SLC9C1: variants seen among roughly 807,000 people sequenced by gnomAD.
The protein encoded by SLC9C1 is solute carrier family 9 member C1.
A neutral mutation model predicts 140.9 loss-of-function variants in SLC9C1; 97 were observed. The ratio of observed to expected loss-of-function variants is 0.69; its 90% CI spans 0.58 to 0.82. The LOEUF is 0.82. Ranked by LOEUF, SLC9C1 falls within the 40% of genes least tolerant of loss-of-function variation. The pLI, the probability that SLC9C1 is intolerant of heterozygous loss-of-function variation, is 0.00. For missense variants in SLC9C1, 1,340 were observed against 1,389.3 expected, an observed-to-expected ratio of 0.96 and a Z score of 0.56; for synonymous variants, 440 against 442.6, an observed-to-expected ratio of 0.99 and a Z score of 0.07.
At chr3:112,256,874 A>G (rs1051283377) in intron 10 of SLC9C1, among the ~76,000 whole-genome samples, 2 of 152,212 alleles carry the variant, frequency 1.3e-5, no homozygotes, top group African/African-American at 4.8e-5. Flanking sequence ...TTCAGGATAC[A>G]AAATCATCAT....
At position 112,141,190 on chromosome 3, in the gene SLC9C1, T is replaced by C; in HGVS notation, c.*82A>G. The C allele has an allele frequency of 7.2e-7, 1 of 1,388,100 alleles. No individual in the cohort carries two copies. The highest frequency in any genetic ancestry group is 9.6e-7 in the Non-Finnish European group (1 of 1,045,964). 86.0% of individuals were successfully genotyped at this position (1,388,100 alleles called of 1,614,324 possible). ...GGATCCAACCTGAAGTTACTCCTTC[T>C]TGATGTAGGGAAGTGTGTTTCTGCA... On this transcript the variant is annotated 3_prime_UTR_variant, in exon 29 of 29. Coordinates refer to ENST00000305815, the MANE Select transcript of SLC9C1 (RefSeq NM_183061.3).
chr3:112,288,551 A>G (rs1035695431), intron 1 of SLC9C1, among the ~76,000 whole-genome samples: 5 of 152,222 alleles, frequency 3.3e-5, no homozygotes, highest in African/African-American at 1.2e-4. Context: ...GAGGCCAGGA[A>G]TTCAAGACCA....
At chr3:112,243,695 T>A (rs1258824666) in intron 11 of SLC9C1, among the ~76,000 whole-genome samples, 2 of 20 alleles carry the variant, frequency 0.1, no homozygotes, top group Non-Finnish European at 0.5. Context: ...TATGGATTCT[T>A]TTTTTTTTTT....
At chr3:112,260,844 T>C (rs746285642) in intron 10 of SLC9C1, among the ~76,000 whole-genome samples, 1 of 152,126 alleles carries the variant, frequency 6.6e-6, no homozygotes, top group Non-Finnish European at 1.5e-5. Flanking sequence ...TCTTTTCTGC[T>C]GCTCCTCCTG....
At chr3:112,213,036 A>G (rs1376298404) in intron 15 of SLC9C1, among the ~76,000 whole-genome samples, 2 of 152,248 alleles carry the variant, frequency 1.3e-5, no homozygotes, top group Admixed American at 6.5e-5. Context: ...GGCAGAAGAC[A>G]ATGGGGGCCA....
At chr3:112,285,309 G>A (rs2108360464) in intron 2 of SLC9C1, among the ~76,000 whole-genome samples, 1 of 152,278 alleles carries the variant, frequency 6.6e-6, no homozygotes, top group South Asian at 2.1e-4. Context: ...TATGATCTCG[G>A]CTCACTGCAA....
At chr3:112,150,607 G>A (rs1243958900) in intron 28 of SLC9C1, among the ~76,000 whole-genome samples, 1 of 151,712 alleles carries the variant, frequency 6.6e-6, no homozygotes, top group Admixed American at 6.6e-5. Context: ...AAGTGGCTGA[G>A]GCACATTGAA....
chr3:112,144,441 G>A (rs145374493), intron 28 of SLC9C1, among the ~76,000 whole-genome samples: 141 of 152,106 alleles, frequency 9.3e-4, no homozygotes, highest in Middle Eastern at 3.4e-3. Flanking sequence ...AATTACAGGT[G>A]TGAGCCACCA....
rs9288940 is a variant in SLC9C1, at chr3:112,217,717, G to C, written c.1671-156C>G. Among the ~76,000 whole-genome samples the C allele has an allele frequency of 2.6e-5, 4 of 151,978 alleles. 1 individual carries two copies. Among genetic ancestry groups the C allele is most frequent in the Admixed American group, 2.0e-4 (3 of 15,262 alleles). ...GTTGGATTAAGACATTTTCATGGGC[G>C]TGGTTCATGAAGTTAGATTGTCAGG... is the stretch of plus-strand genomic sequence containing the variant. On this transcript the variant is annotated intron_variant, in intron 14 of 28. Coordinates refer to ENST00000305815, the MANE Select transcript of SLC9C1 (RefSeq NM_183061.3).
At chr3:112,271,196 G>T (rs1347074006) in intron 6 of SLC9C1, among the ~76,000 whole-genome samples, 1 of 151,940 alleles carries the variant, frequency 6.6e-6, no homozygotes, top group East Asian at 1.9e-4. Context: ...ATAGGGAATT[G>T]TTGATTAACA....
intron 13 of SLC9C1, among the ~76,000 whole-genome samples, chr3:112,221,675 C>T (rs939728022): frequency 6.6e-6 from 1 of 152,022 alleles, no homozygotes; most frequent in East Asian, 1.9e-4. Flanking sequence ...TAAAATGATT[C>T]TATCTTTGTA....
chr3:112,168,794 T>C, intron 25 of SLC9C1, 83 bp downstream of exon 25: 1 of 1,279,780 alleles, frequency 7.8e-7, no homozygotes, highest in East Asian at 2.4e-5. Flanking sequence ...AAGCTTAAGA[T>C]TATAGTGACA....
At chr3:112,161,394 A>G (rs1188412657) in intron 26 of SLC9C1, among the ~76,000 whole-genome samples, 1 of 152,132 alleles carries the variant, frequency 6.6e-6, no homozygotes, top group African/African-American at 2.4e-5. Flanking sequence ...TAGGGTTTTT[A>G]TGGTTTTAGG....
rs116538272 is a variant in SLC9C1, at chr3:112,212,011, C to A, written c.1791-3638G>T. On this transcript the variant is annotated intron_variant, in intron 15 of 28. Transcript: ENST00000305815. Reference sequence around the variant, plus strand: ...CGAGTAACCCTCTGAGATGAAACATCCGGAGGAATGATCAGGCAGCAACAT... The same window carrying A: ...CGAGTAACCCTCTGAGATGAAACATACGGAGGAATGATCAGGCAGCAACAT... Among the ~76,000 whole-genome samples, 842 of 152,338 alleles carry A rather than the reference C, an allele frequency of 5.5e-3. 4 individuals carry two copies. Among genetic ancestry groups the A allele is most frequent in the Non-Finnish European group, 8.4e-3 (571 of 68,034 alleles).
intron 6 of SLC9C1, among the ~76,000 whole-genome samples, chr3:112,270,278 T>A (rs1345727254): frequency 6.6e-6 from 1 of 152,212 alleles, no homozygotes; most frequent in Non-Finnish European, 1.5e-5. Context: ...TACTGGACCA[T>A]ATGGTAGAGT....
At position 112,278,864 on chromosome 3, in the gene SLC9C1, T is replaced by C; in HGVS notation, c.190-7A>G. 6.2e-7 allele frequency: 1 copy of C among 1,600,044 alleles called. No homozygotes were observed. Among genetic ancestry groups the C allele is most frequent in the Non-Finnish European group, 8.5e-7 (1 of 1,175,598 alleles). ...CGTTTGCGTATCTTTGGACCTAATA[T>C]TATACAAATATATCATCTTCTCATT... On this transcript the variant is annotated splice_region_variant and splice_polypyrimidine_tract_variant and intron_variant, in intron 3 of 28. Transcript: ENST00000305815.
In SLC9C1 at chr3:112,199,378, A is replaced by G; in HGVS notation, c.2466T>C (p.Leu822=). Residue 822 remains leucine, a synonymous_variant, in exon 20 of 29, where the codon CTT becomes CTC. Transcript: ENST00000305815. ...TAATTCCTTTTAAGCCAAAAGCCTT[A>G]AGAATTTCTGTAGCCATATTGAGCA... ...NVMLNMATEI[L]KAFGLKGIIS... The G allele has an allele frequency of 6.3e-7, 1 of 1,598,670 alleles. No individual in the cohort carries two copies. Among genetic ancestry groups the G allele is most frequent in the South Asian group, 1.2e-5 (1 of 86,248 alleles).
intron 13 of SLC9C1, among the ~76,000 whole-genome samples, chr3:112,230,885 A>G (rs1327543972): frequency 1.3e-5 from 2 of 152,188 alleles, no homozygotes; most frequent in East Asian, 1.9e-4. Flanking sequence ...GAATGAAAAC[A>G]TAATACTCTC....
At chr3:112,170,753 A>C (rs906143634) in intron 23 of SLC9C1, among the ~76,000 whole-genome samples, 1 of 152,210 alleles carries the variant, frequency 6.6e-6, no homozygotes, top group Non-Finnish European at 1.5e-5. Flanking sequence ...TTTTGTGTAC[A>C]TTGGATTTTA....
Sources: allele counts gnomAD v4.1 joint callset (sites outside exome capture counted in the v4.1 genomes callset), GRCh38; gene constraint gnomAD v4.1.1; transcripts MANE v1.5; gene names NCBI Gene and HGNC (gene_info 2026-07-23, HGNC 2026-07-21).